SBNO2: variants seen among roughly 807,000 people sequenced by gnomAD.
The protein encoded by SBNO2 is strawberry notch homolog 2, also known as protein strawberry notch homolog 2.
SBNO2 carries 89 observed loss-of-function variants against 146.3 expected under a neutral mutation model. The ratio of observed to expected loss-of-function variants is 0.61; its 90% CI spans 0.51 to 0.73. SBNO2 has a LOEUF of 0.73. Ranked by LOEUF, SBNO2 falls within the 30% of genes least tolerant of loss-of-function variation. The probability of loss-of-function intolerance (pLI) is 0.00; values close to 1 mark genes in which losing one functional copy is unlikely to be tolerated. For synonymous variants in SBNO2, 1,147 were observed against 892.6 expected, an observed-to-expected ratio of 1.29 and a Z score of -5.08; for missense variants, 2,092 against 2,003.7, an observed-to-expected ratio of 1.04 and a Z score of -0.84.
chr19:1,123,841 G>T, intron 6 of SBNO2, 101 bp downstream of exon 6: 1 of 1,289,782 alleles, frequency 7.8e-7, no homozygotes, highest in Non-Finnish European at 1.1e-6. Context: ...CAGCTTCTAG[G>T]CCAGCCAAGC....
At chr19:1,147,698 C>G (rs1351146834) in intron 3 of SBNO2, among the ~76,000 whole-genome samples, 1 of 151,964 alleles carries the variant, frequency 6.6e-6, no homozygotes, top group African/African-American at 2.4e-5. Flanking sequence ...GGGCCACCAT[C>G]CCGCCCTCCC....
chr19:1,108,062 TGACCAG>T lies in SBNO2; in HGVS notation c.*152_*157del. 1 of 792,204 alleles carries T rather than the reference TGACCAG, an allele frequency of 1.3e-6. No individual in the cohort carries two copies. The highest frequency in any genetic ancestry group is 1.8e-6 in the Non-Finnish European group (1 of 559,792). 49.1% of individuals were successfully genotyped at this position (792,204 alleles called of 1,614,324 possible). On this transcript the variant is annotated 3_prime_UTR_variant, in exon 32 of 32. Transcript: ENST00000361757. ...TGTCCTGAGTGGGCCCCGCCAGGGC[TGACCAG>T]GTGGGGGCCCGGGTCGGGCGCTGAA...
intron 1 of SBNO2, among the ~76,000 whole-genome samples, chr19:1,170,916 G>A (rs2080471273): frequency 3.3e-5 from 2 of 60,626 alleles, no homozygotes; most frequent in African/African-American, 1.5e-4. Flanking sequence ...TGGGCACATG[G>A]GCACAGGCAA....
chr19:1,122,225 G>C lies in SBNO2; in HGVS notation c.1063C>G (p.Leu355Val), dbSNP rs977039747. ...EGVLFATYSA[L>V]IGESQAGGQH... Reference sequence around the variant, plus strand: ...CCGCCGGCCTGGCTCTCCCCAATCAGGGCGGAGTAGGTGGCGAAGAGGACG... The same window carrying C: ...CCGCCGGCCTGGCTCTCCCCAATCACGGCGGAGTAGGTGGCGAAGAGGACG... The change falls in exon 11 of 32, where the codon CTG (leucine) becomes GTG (valine). Residue 355 changes from leucine to valine, a missense_variant. Transcript: ENST00000361757. 3.2e-6 allele frequency: 5 copies of C among 1,574,732 alleles called. No homozygotes were observed. The African/African-American group carries it at 6.8e-5, about 21-fold the overall frequency.
At chr19:1,165,687 C>CAGACCCCAGATCG (rs1341662514) in intron 1 of SBNO2, among the ~76,000 whole-genome samples, 10 of 140,336 alleles carry the variant, frequency 7.1e-5, no homozygotes, top group African/African-American at 1.5e-4. Flanking sequence ...TACCCAGACC[C>CAGACCCCAGATCG]CAGATCTCAG....
At position 1,150,701 on chromosome 19, in the gene SBNO2, A is replaced by G. The variant is rs2080234683; in HGVS notation, c.94-1259T>C. Among the ~76,000 whole-genome samples, 1 of 152,044 alleles carries G rather than the reference A, an allele frequency of 6.6e-6. No individual in the cohort carries two copies. Among genetic ancestry groups the G allele is most frequent in the African/African-American group, 2.4e-5 (1 of 41,394 alleles). On this transcript the variant is annotated intron_variant, in intron 2 of 31. Transcript: ENST00000361757. This position sits in a 1 kb window ranked among gnomAD's most constrained non-coding sequence, Gnocchi z 6.2. Reference sequence around the variant, plus strand: ...TCCCCCAGTGACCTCTCCCAGGCCCACGTGAGCCCTGCTCCTCTATGAGGC... The same window carrying G: ...TCCCCCAGTGACCTCTCCCAGGCCCGCGTGAGCCCTGCTCCTCTATGAGGC...
chr19:1,118,382 G>A (rs1360920079), intron 14 of SBNO2, among the ~76,000 whole-genome samples: 2 of 152,122 alleles, frequency 1.3e-5, no homozygotes. Context: ...AGGGCTGTTG[G>A]GCGTGAGGGG....
intron 1 of SBNO2, among the ~76,000 whole-genome samples, chr19:1,164,656 G>C: frequency 1.4e-5 from 2 of 146,520 alleles, no homozygotes; most frequent in African/African-American, 5.0e-5. Flanking sequence ...AACAGGAGGA[G>C]GAGGAGGAGG....
chr19:1,119,795 G>T, intron 12 of SBNO2, 111 bp downstream of exon 12: 1 of 981,006 alleles, frequency 1.0e-6, no homozygotes, highest in South Asian at 1.5e-5. Context: ...GTCCGAGGAG[G>T]AGCAGGGTGC....
rs994608115 is a variant in SBNO2 at position 1,150,511 on chromosome 19, G to A, written c.94-1069C>T. ...CCACGGTCACGGGGGAGACCCTGCC[G>A]TCACGGACGCCCCCACGGTCACGGG... On this transcript the variant is annotated intron_variant, in intron 2 of 31. Transcript: ENST00000361757. This position sits in a 1 kb window ranked among gnomAD's most constrained non-coding sequence, Gnocchi z 6.2. Among the ~76,000 whole-genome samples the A allele has an allele frequency of 2.6e-5, 4 of 151,698 alleles. No homozygotes were observed. Among genetic ancestry groups the A allele is most frequent in the Admixed American group, 6.6e-5 (1 of 15,250 alleles).
At chr19:1,114,203 T>TA in intron 18 of SBNO2, 28 bp downstream of exon 18, 1 of 1,419,172 alleles carries the variant, frequency 7.0e-7, no homozygotes, top group Non-Finnish European at 9.3e-7. Context: ...GACCCACAGG[T>TA]GGCTGGCCAG....
chr19:1,119,602 G>A lies in SBNO2; in HGVS notation c.1287C>T (p.Asn429=), dbSNP rs1322933300. Residue 429 remains asparagine, a synonymous_variant, in exon 13 of 32, where the codon AAC becomes AAT. Coordinates refer to ENST00000361757, the MANE Select transcript of SBNO2 (RefSeq NM_014963.3). ...ASATGASEPR[N]MIYMSRLGIW... ...TACCCAAGCGGCTCATGTAGATCAT[G>A]TTCCGAGGCTCAGAGGCACCTGTGG... The A allele has an allele frequency of 1.2e-6, 2 of 1,609,822 alleles. No individual in the cohort carries two copies. Among genetic ancestry groups the A allele is most frequent in the Non-Finnish European group, 1.7e-6 (2 of 1,178,364 alleles).
At chr19:1,166,834 C>A (rs1283577734) in intron 1 of SBNO2, among the ~76,000 whole-genome samples, 2 of 152,196 alleles carry the variant, frequency 1.3e-5, no homozygotes, top group African/African-American at 4.8e-5. Context: ...GGTAGTCTGG[C>A]CCATCCCACA....
In SBNO2 at chr19:1,111,153, C is replaced by G. The variant is rs1187277847; in HGVS notation, c.2810-60G>C. 3.3e-6 allele frequency: 5 copies of G among 1,506,494 alleles called. No homozygotes were observed. The South Asian group carries it at 6.1e-5, about 19-fold the overall frequency. The allele number at this position is 1,506,494 out of a possible 1,614,324, so 93.3% of individuals were successfully genotyped here. On this transcript the variant is annotated intron_variant, in intron 24 of 31. Coordinates refer to ENST00000361757, the MANE Select transcript of SBNO2 (RefSeq NM_014963.3). ...CACCCCTGCCCCTCCCTCGAAGCCCCTAGCTCCTTTTCCAGAGACCAGCAG... is the reference window on the plus strand; with the variant it reads ...CACCCCTGCCCCTCCCTCGAAGCCCGTAGCTCCTTTTCCAGAGACCAGCAG...
intron 4 of SBNO2, among the ~76,000 whole-genome samples, chr19:1,130,520 G>A (rs1437117999): frequency 2.0e-5 from 3 of 150,716 alleles, no homozygotes; most frequent in African/African-American, 2.4e-5. Context: ...CAAGCAGGGC[G>A]TAGTGGCTCA....
At chr19:1,128,297 AGGCAGGGGCGGG>A (rs1430921452) in intron 4 of SBNO2, 1 of 409,408 alleles carries the variant, frequency 2.4e-6, no homozygotes, top group Non-Finnish European at 4.8e-6. Context: ...CCTGTGCCGG[AGGCAGGGGCGGG>A]GGCAGCCACG....
At chr19:1,116,646 C>A (rs978895655) in intron 16 of SBNO2, among the ~76,000 whole-genome samples, 183 bp downstream of exon 16, 1 of 152,180 alleles carries the variant, frequency 6.6e-6, no homozygotes, top group Non-Finnish European at 1.5e-5. Flanking sequence ...CACCTCCAAG[C>A]CTCTGCTTTA....
chr19:1,108,311 G>GCGCCCTCC lies in SBNO2; in HGVS notation c.4002_4009dup (p.Ala1337GlyfsTer19). On this transcript the variant is annotated frameshift_variant, in exon 32 of 32. Coordinates refer to ENST00000361757, the MANE Select transcript of SBNO2 (RefSeq NM_014963.3). LOFTEE classifies it low-confidence loss of function (END_TRUNC). Reference sequence around the variant, plus strand: ...ACCGCCCGCCGCGCCCCCCGCCCCCGCGCCCTCCCCCAGCGCGCCCTCGGA... The same window carrying GCGCCCTCC: ...ACCGCCCGCCGCGCCCCCCGCCCCCGCGCCCTCCCGCCCTCCCCCAGCGCGCCCTCGGA... 7.3e-7 allele frequency: 1 copy of GCGCCCTCC among 1,365,460 alleles called. No homozygotes were observed. Among genetic ancestry groups the GCGCCCTCC allele is most frequent in the Non-Finnish European group, 9.8e-7 (1 of 1,017,880 alleles). 84.6% of individuals were successfully genotyped at this position (1,365,460 alleles called of 1,614,324 possible).
In SBNO2 at chr19:1,108,321, C is replaced by T. The variant is rs1249025465; in HGVS notation, c.4000G>A (p.Gly1334Arg). 7.1e-7 allele frequency: 1 copy of T among 1,408,248 alleles called. No individual in the cohort carries two copies. The highest frequency in any genetic ancestry group is 9.3e-7 in the Non-Finnish European group (1 of 1,078,486). 87.2% of individuals were successfully genotyped at this position (1,408,248 alleles called of 1,614,324 possible). A position where few individuals can be genotyped will look rare whatever the true frequency, so the allele number is the denominator to read the frequency against. ...GCGCCCCCCGCCCCCGCGCCCTCCC[C>T]CAGCGCGCCCTCGGAGGGCGGCCCC... ...HAGPPSEGAL[G>R]EGAGAGGAAG... Residue 1334 changes from glycine to arginine, a missense_variant, in exon 32 of 32, where the codon GGG becomes AGG. By Grantham distance (125) the Gly-to-Arg change is moderately radical (BLOSUM62 -2). Coordinates refer to ENST00000361757, the MANE Select transcript of SBNO2 (RefSeq NM_014963.3).
Sources: gnomAD v4.1 joint callset for allele counts (sites outside exome capture counted in the v4.1 genomes callset) on GRCh38, gnomAD v4.1.1 for gene constraint, Gnocchi (gnomAD v3.1) non-coding constraint, MANE v1.5 for transcripts, NCBI Gene and HGNC (gene_info 2026-07-23, HGNC 2026-07-21) for gene names.